The following BEND4 variants were observed in gnomAD, a reference collection of about 807,000 sequenced individuals.
BEND4 encodes the protein BEN domain-containing protein 4.
In BEND4, 27 loss-of-function variants were observed where a neutral mutation model predicts 54.7. That is an observed-to-expected ratio of 0.49 (90% CI 0.36 to 0.68). The LOEUF is 0.68. BEND4 is among the 30% of genes least tolerant of loss of function. The probability of loss-of-function intolerance (pLI) is 0.00; values close to 1 mark genes in which losing one functional copy is unlikely to be tolerated. For synonymous variants in BEND4, 327 were observed against 299.5 expected (o/e 1.09, Z -0.95); for missense variants, 702 against 697.2 (o/e 1.01, Z -0.08).
At position 42,115,513 on chromosome 4, in the gene BEND4, C is replaced by T. The variant is rs1719772712; in HGVS notation, c.*2005G>A. ...GTCTGTTTTTCTTAAAAGCAGTGAT[C>T]AAATATTGTTGCTTTAGAAAAACAG... On this transcript the variant is annotated 3_prime_UTR_variant, in exon 6 of 6. Transcript: ENST00000502486. 1 of 152,142 alleles carries T rather than the reference C, an allele frequency of 6.6e-6. No individual in the cohort carries two copies. Among genetic ancestry groups the T allele is most frequent in the African/African-American group, 2.4e-5 (1 of 41,432 alleles). 9.4% of individuals were successfully genotyped at this position (152,142 alleles called of 1,614,324 possible). A position where few individuals can be genotyped will look rare whatever the true frequency, so the allele number is the denominator to read the frequency against.
At chr4:42,133,221 G>A (rs998014416) in intron 3 of BEND4, among the ~76,000 whole-genome samples, 1 of 152,192 alleles carries the variant, frequency 6.6e-6, no homozygotes, top group African/African-American at 2.4e-5. Context: ...CAGCTGTACT[G>A]TCTAAGCAGC....
intron 4 of BEND4, among the ~76,000 whole-genome samples, chr4:42,122,551 A>G (rs745330796): frequency 3.9e-5 from 6 of 152,198 alleles, no homozygotes; most frequent in Non-Finnish European, 5.9e-5. Context: ...TTTTTTAACC[A>G]CTGAATATAA....
rs1381234753 is a variant in BEND4 at position 42,125,662 on chromosome 4, G to A, written c.1067C>T (p.Thr356Ile). ...AACCATCTTCAAGTAATCTAAAACG[G>A]TCTGGCAGGGCACTGGGTGGAAGAA... ...KLESIPVPCQ[T>I]VLDYLKMVLQ... The change falls in exon 4 of 6, where the codon ACC becomes ATC. Residue 356 changes from threonine (T) to isoleucine (I), a missense_variant. Transcript: ENST00000502486. 1.2e-6 allele frequency: 2 copies of A among 1,610,066 alleles called. No homozygotes were observed. Among genetic ancestry groups the A allele is most frequent in the Non-Finnish European group, 1.7e-6 (2 of 1,177,752 alleles).
rs1163496792 is a variant in BEND4 at position 42,152,298 on chromosome 4, C to T, written c.-155G>A. 2 of 713,882 alleles carry T rather than the reference C, an allele frequency of 2.8e-6. No homozygotes were observed. Among genetic ancestry groups the T allele is most frequent in the Non-Finnish European group, 3.8e-6 (2 of 523,766 alleles). The allele number at this position is 713,882 out of a possible 1,614,324, so 44.2% of individuals were successfully genotyped here. On this transcript the variant is annotated 5_prime_UTR_variant, in exon 2 of 6. Transcript: ENST00000502486. ...CGTGGCCGCCGCCGCCGCCGCCTGT[C>T]GCTGAGGCTGGCATCGCCGAGCCCC...
At position 42,111,180 on chromosome 4, in the gene BEND4, C is replaced by T. The variant is rs559588111; in HGVS notation, c.*6338G>A. On this transcript the variant is annotated 3_prime_UTR_variant, in exon 6 of 6. Transcript: ENST00000502486. ...AACTTACTCTTCTATATAAATTGTT[C>T]ACAAAAAAATCTTGCTATTCTATAT... 2 of 152,242 alleles carry T rather than the reference C, an allele frequency of 1.3e-5. No homozygotes were observed. Among genetic ancestry groups the T allele is most frequent in the East Asian group, 3.9e-4 (2 of 5,186 alleles). The allele number at this position is 152,242 out of a possible 1,614,324, so 9.4% of individuals were successfully genotyped here.
At chr4:42,126,420 C>A (rs1720286017) in intron 3 of BEND4, among the ~76,000 whole-genome samples, 1 of 152,162 alleles carries the variant, frequency 6.6e-6, no homozygotes, top group Non-Finnish European at 1.5e-5. Flanking sequence ...CTTCAGTAAG[C>A]AGAATTCCAT....
chr4:42,125,523 T>A (rs1411753794), intron 4 of BEND4, 60 bp downstream of exon 4: 1 of 1,316,202 alleles, frequency 7.6e-7, no homozygotes, highest in Admixed American at 1.7e-5. Flanking sequence ...CACTGATAAG[T>A]TAATCAAGAT....
intron 2 of BEND4, among the ~76,000 whole-genome samples, chr4:42,148,824 T>C (rs889019074): frequency 1.3e-5 from 2 of 152,238 alleles, no homozygotes; most frequent in African/African-American, 4.8e-5. Context: ...AAATTTAGGC[T>C]GCATATCAAG....
intron 2 of BEND4, among the ~76,000 whole-genome samples, chr4:42,149,227 C>T (rs539324696): frequency 8.5e-5 from 12 of 140,480 alleles, no homozygotes; most frequent in Admixed American, 6.4e-4. Context: ...TAAATGGCCA[C>T]GGGTCTGTGC....
At chr4:42,143,253 A>C (rs951217106) in intron 3 of BEND4, among the ~76,000 whole-genome samples, 175 bp downstream of exon 3, 10 of 152,194 alleles carry the variant, frequency 6.6e-5, no homozygotes, top group African/African-American at 2.4e-4. Flanking sequence ...ACGGGCTGAG[A>C]AGCTCTTGAG....
chr4:42,151,717 C>T lies in BEND4; in HGVS notation c.427G>A (p.Ala143Thr). ...AAVVRYGPGA[A>T]AAAGTGGTGS... Reference sequence around the variant, plus strand: ...GTGCCGCCGGTGCCGGCGGCCGCCGCCGCGCCTGGGCCATACCTGACGACA... The same window carrying T: ...GTGCCGCCGGTGCCGGCGGCCGCCGTCGCGCCTGGGCCATACCTGACGACA... Residue 143 changes from alanine (A) to threonine (T), a missense_variant, in exon 2 of 6, where the codon GCG becomes ACG. Coordinates refer to ENST00000502486, the MANE Select transcript of BEND4 (RefSeq NM_207406.4). 6.6e-7 allele frequency: 1 copy of T among 1,503,920 alleles called. No individual in the cohort carries two copies. The highest frequency in any genetic ancestry group is 1.2e-5 in the South Asian group (1 of 80,904). 93.2% of individuals were successfully genotyped at this position (1,503,920 alleles called of 1,614,324 possible).
At chr4:42,148,186 G>C (rs1021454574) in intron 2 of BEND4, among the ~76,000 whole-genome samples, 1 of 152,068 alleles carries the variant, frequency 6.6e-6, no homozygotes, top group Admixed American at 6.6e-5. Flanking sequence ...GAAAATAGAA[G>C]TTAGAAAATC....
intron 3 of BEND4, among the ~76,000 whole-genome samples, chr4:42,129,441 G>A (rs1720422263): frequency 6.6e-6 from 1 of 151,830 alleles, no homozygotes; most frequent in African/African-American, 2.4e-5. Flanking sequence ...AATTCTTATG[G>A]AACAAAAAAA....
At chr4:42,150,851 G>A (rs755091857) in intron 2 of BEND4, among the ~76,000 whole-genome samples, 3 of 152,248 alleles carry the variant, frequency 2.0e-5, no homozygotes, top group Admixed American at 6.5e-5. Context: ...GAGATGCTCG[G>A]GAGGGGCAGG....
At chr4:42,151,531 T>G (rs1339719695) in intron 2 of BEND4, 126 bp downstream of exon 2, 1 of 1,016,078 alleles carries the variant, frequency 9.8e-7, no homozygotes. Context: ...AGGCCCCAGG[T>G]GCGCCCCGAC....
chr4:42,129,349 C>T (rs1362403807), intron 3 of BEND4, among the ~76,000 whole-genome samples: 1 of 152,154 alleles, frequency 6.6e-6, no homozygotes, highest in Non-Finnish European at 1.5e-5. Context: ...GGCCATACTG[C>T]CCAAAGTGAT....
intron 4 of BEND4, among the ~76,000 whole-genome samples, chr4:42,122,924 C>G (rs548085548): frequency 6.6e-6 from 1 of 152,094 alleles, no homozygotes; most frequent in African/African-American, 2.4e-5. Flanking sequence ...TTTGCTGTGC[C>G]CCTGAAAATG....
At chr4:42,147,171 A>G (rs946364239) in intron 2 of BEND4, among the ~76,000 whole-genome samples, 4 of 152,164 alleles carry the variant, frequency 2.6e-5, no homozygotes, top group Admixed American at 1.3e-4. Context: ...TCACCCTTAG[A>G]GTAGAATTTT....
chr4:42,133,112 T>C (rs1044417165), intron 3 of BEND4, among the ~76,000 whole-genome samples: 3 of 152,222 alleles, frequency 2.0e-5, no homozygotes, highest in Non-Finnish European at 2.9e-5. Context: ...AGGCACCCAA[T>C]AATACTGCCT....
Sources: allele counts gnomAD v4.1 joint callset (sites outside exome capture counted in the v4.1 genomes callset), GRCh38; gene constraint gnomAD v4.1.1; transcripts MANE v1.5; gene names NCBI Gene and HGNC (gene_info 2026-07-23, HGNC 2026-07-21).